The following CDH13 variants were observed in gnomAD, a reference collection of about 807,000 sequenced individuals.
CDH13 encodes the protein cadherin 13.
A neutral mutation model predicts 63.8 loss-of-function variants in CDH13; 24 were observed. That is an observed-to-expected ratio of 0.38 (90% CI 0.27 to 0.53). CDH13 has a LOEUF of 0.53. CDH13 is among the 20% of genes least tolerant of loss of function. The pLI is 0.85. For missense variants in CDH13, 1,049 were observed against 903.1 expected, an observed-to-expected ratio of 1.16 and a Z score of -2.07; for synonymous variants, 503 against 355.3, an observed-to-expected ratio of 1.42 and a Z score of -4.67.
chr16:83,431,050 G>A (rs1356947156), intron 6 of CDH13, among the ~76,000 whole-genome samples: 3 of 145,214 alleles, frequency 2.1e-5, no homozygotes, highest in African/African-American at 5.1e-5. Flanking sequence ...TCCCACCTAT[G>A]AGTGAGAGTA....
At chr16:83,259,072 C>T (rs1906645238) in intron 5 of CDH13, among the ~76,000 whole-genome samples, 1 of 152,208 alleles carries the variant, frequency 6.6e-6, no homozygotes, top group Admixed American at 6.5e-5. Context: ...AATGTGTCCT[C>T]CTAGCCAGGG....
chr16:82,715,158 G>A (rs190619363), intron 1 of CDH13, among the ~76,000 whole-genome samples: 1 of 151,356 alleles, frequency 6.6e-6, no homozygotes, highest in East Asian at 2.0e-4. Context: ...TTCATGCCCA[G>A]TTAGCAAGCA....
chr16:82,956,369 T>G (rs1234000355), intron 2 of CDH13, among the ~76,000 whole-genome samples: 1 of 152,148 alleles, frequency 6.6e-6, no homozygotes, highest in Non-Finnish European at 1.5e-5. Context: ...ATCTAATTTC[T>G]GCTCCAAATG....
chr16:83,223,021 G>T (rs975696489), intron 5 of CDH13, among the ~76,000 whole-genome samples: 1 of 151,570 alleles, frequency 6.6e-6, no homozygotes, highest in Non-Finnish European at 1.5e-5. Flanking sequence ...ACCTAATCTG[G>T]ACAATCAGAT....
chr16:83,000,371 C>G (rs183077513), intron 2 of CDH13, among the ~76,000 whole-genome samples: 4 of 149,204 alleles, frequency 2.7e-5, no homozygotes, highest in African/African-American at 2.5e-5. Flanking sequence ...GCCTCAGCCT[C>G]GCGAGTAGCT....
At chr16:83,491,595 A>T (rs1346248628) in intron 7 of CDH13, among the ~76,000 whole-genome samples, 1 of 150,404 alleles carries the variant, frequency 6.6e-6, no homozygotes, top group Non-Finnish European at 1.5e-5. Context: ...TTTTTAATGG[A>T]AATAGTTTCC....
intron 6 of CDH13, among the ~76,000 whole-genome samples, chr16:83,355,160 G>A (rs1223658280): frequency 2.0e-5 from 3 of 152,166 alleles, no homozygotes; most frequent in East Asian, 1.9e-4. Flanking sequence ...GGGAAACAAG[G>A]CATTTCAATG....
At chr16:83,113,233 G>A (rs954564287) in intron 3 of CDH13, among the ~76,000 whole-genome samples, 1 of 152,200 alleles carries the variant, frequency 6.6e-6, no homozygotes, top group Admixed American at 6.5e-5. Context: ...GAATCCAACT[G>A]AGAGTGGCAG....
chr16:83,161,383 T>G (rs2037436094), intron 4 of CDH13, among the ~76,000 whole-genome samples: 1 of 152,184 alleles, frequency 6.6e-6, no homozygotes, highest in Non-Finnish European at 1.5e-5. Flanking sequence ...ATCAGTTTTC[T>G]GAAGATTCAG....
At chr16:82,838,010 C>G (rs918659) in intron 1 of CDH13, among the ~76,000 whole-genome samples, 40,326 of 152,070 alleles carry the variant, frequency 0.27, 5,727 homozygotes, top group Middle Eastern at 0.34. Context: ...CCCCTACTAA[C>G]TCTCTGGCTT....
At chr16:83,775,139 C>T (rs1371393410) in intron 11 of CDH13, among the ~76,000 whole-genome samples, 2 of 151,664 alleles carry the variant, frequency 1.3e-5, no homozygotes, top group Non-Finnish European at 2.9e-5. Flanking sequence ...GAGAAGGAGG[C>T]CTGACACTCA....
chr16:83,547,639 T>C (rs984106383), intron 7 of CDH13, among the ~76,000 whole-genome samples: 2 of 152,258 alleles, frequency 1.3e-5, no homozygotes, highest in African/African-American at 4.8e-5. Flanking sequence ...ATCTTTCTTT[T>C]TTATGGCTGC....
chr16:83,030,611 C>G (rs545386994), intron 2 of CDH13, among the ~76,000 whole-genome samples: 136 of 142,800 alleles, frequency 9.5e-4, no homozygotes, highest in African/African-American at 3.5e-3. Flanking sequence ...CCACTGCACT[C>G]CAGTCTGGAT....
chr16:83,756,164 A>G (rs1913490662), intron 11 of CDH13, among the ~76,000 whole-genome samples: 1 of 152,218 alleles, frequency 6.6e-6, no homozygotes, highest in Non-Finnish European at 1.5e-5. Flanking sequence ...GGTTTGACTA[A>G]TCCAAAATAA....
At chr16:83,670,150 G>C (rs1000745565) in intron 8 of CDH13, among the ~76,000 whole-genome samples, 2 of 152,210 alleles carry the variant, frequency 1.3e-5, no homozygotes, top group Admixed American at 1.3e-4. Context: ...TGGATATGGA[G>C]TGGGAAGGAT....
At chr16:83,327,380 C>T (rs2090388341) in intron 5 of CDH13, among the ~76,000 whole-genome samples, 1 of 152,200 alleles carries the variant, frequency 6.6e-6, no homozygotes, top group East Asian at 1.9e-4. Flanking sequence ...GTTCATTCAC[C>T]TTCAGGGAAT....
intron 7 of CDH13, among the ~76,000 whole-genome samples, chr16:83,576,073 G>T (rs907217456): frequency 1.3e-5 from 2 of 152,224 alleles, no homozygotes; most frequent in African/African-American, 4.8e-5. Context: ...CTTTCACGAT[G>T]TTGTGCATCC....
intron 2 of CDH13, among the ~76,000 whole-genome samples, chr16:83,004,164 A>G (rs1296051462): frequency 6.6e-6 from 1 of 152,222 alleles, no homozygotes; most frequent in Non-Finnish European, 1.5e-5. Flanking sequence ...GCCCCAGGCC[A>G]GCTGAATCCC....
At chr16:82,866,377 CTTTTTTTTTTTTTTTTTTTTTT>C (rs538206338) in intron 2 of CDH13, among the ~76,000 whole-genome samples, 1 of 58,298 alleles carries the variant, frequency 1.7e-5, no homozygotes, top group African/African-American at 8.7e-5. Context: ...TTTTCTTCTT[CTTTTTTTTTTTTTTTTTTTTTT>C]TTTTTTTGAG....
Sources: allele counts gnomAD v4.1 joint callset (sites outside exome capture counted in the v4.1 genomes callset), GRCh38; gene constraint gnomAD v4.1.1; transcripts MANE v1.5; gene names NCBI Gene and HGNC (gene_info 2026-07-23, HGNC 2026-07-21).